Variants in SMYD3 observed in about 807,000 individuals in gnomAD.
SMYD3 encodes the protein SET and MYND domain containing 3.
A neutral mutation model predicts 57.7 loss-of-function variants in SMYD3; 36 were observed. That is an observed-to-expected ratio of 0.62 (90% CI 0.48 to 0.82). SMYD3 has a LOEUF of 0.82. Ranked by LOEUF, SMYD3 falls within the 40% of genes least tolerant of loss-of-function variation. SMYD3 has a pLI of 0.00. For synonymous variants in SMYD3, 211 were observed against 195.0 expected, an observed-to-expected ratio of 1.08 and a Z score of -0.68; for missense variants, 515 against 538.8, an observed-to-expected ratio of 0.96 and a Z score of 0.44.
At chr1:246,129,542 A>C (rs2061557481) in intron 5 of SMYD3, among the ~76,000 whole-genome samples, 1 of 151,910 alleles carries the variant, frequency 6.6e-6, no homozygotes, top group African/African-American at 2.4e-5. Flanking sequence ...ATTTCCTTTG[A>C]CTCCTGGCAT....
intron 5 of SMYD3, among the ~76,000 whole-genome samples, chr1:246,255,881 A>G (rs1349591073): frequency 2.7e-5 from 4 of 150,364 alleles, no homozygotes; most frequent in Non-Finnish European, 2.9e-5. Flanking sequence ...ATCTTAAGAG[A>G]TTGTGTGTGT....
At chr1:246,024,917 G>A (rs1208190311) in intron 5 of SMYD3, among the ~76,000 whole-genome samples, 1 of 13,838 alleles carries the variant, frequency 7.2e-5, no homozygotes, top group Non-Finnish European at 1.2e-4. Context: ...ATCTAGGAAG[G>A]AGATACAGGA....
chr1:246,185,804 A>G (rs913533553), intron 5 of SMYD3, among the ~76,000 whole-genome samples: 7 of 152,192 alleles, frequency 4.6e-5, no homozygotes, highest in African/African-American at 1.7e-4. Flanking sequence ...TATCTTGTAC[A>G]ATGGTAATTT....
intron 5 of SMYD3, among the ~76,000 whole-genome samples, chr1:246,273,509 C>T (rs1205141016): frequency 6.6e-6 from 1 of 150,502 alleles, no homozygotes; most frequent in Non-Finnish European, 1.5e-5. Flanking sequence ...TTTTCTTAGT[C>T]CATCTATCTA....
chr1:246,506,997 C>CG (rs2068553382), intron 1 of SMYD3, 57 bp downstream of exon 1: 1 of 300,490 alleles, frequency 3.3e-6, no homozygotes, highest in African/African-American at 5.4e-5. Context: ...ACGCCCCCCC[C>CG]TCCCCAGCAC....
At chr1:245,761,875 G>A (rs908957968) in intron 11 of SMYD3, among the ~76,000 whole-genome samples, 1 of 140,854 alleles carries the variant, frequency 7.1e-6, no homozygotes, top group Admixed American at 7.5e-5. Flanking sequence ...AACCTCTGCC[G>A]CCTGGGTTAA....
intron 1 of SMYD3, among the ~76,000 whole-genome samples, chr1:246,380,681 C>T (rs961906757): frequency 2.6e-5 from 4 of 152,154 alleles, no homozygotes; most frequent in East Asian, 1.9e-4. Context: ...GTTGATGCTA[C>T]GACAGAGGCA....
chr1:245,867,664 G>GCA (rs1553345537), intron 8 of SMYD3, among the ~76,000 whole-genome samples: 22 of 122,202 alleles, frequency 1.8e-4, no homozygotes, highest in African/African-American at 6.8e-4. Context: ...GTGTGCGTGC[G>GCA]CGCGCACACA....
At chr1:245,816,901 G>C (rs545508304) in intron 10 of SMYD3, among the ~76,000 whole-genome samples, 53,233 of 151,076 alleles carry the variant, frequency 0.35, 12,262 homozygotes, top group Middle Eastern at 0.53. Context: ...GGTCCTACCC[G>C]ACGGAGTCTC....
At chr1:245,806,782 C>T (rs574903428) in intron 10 of SMYD3, among the ~76,000 whole-genome samples, 42 of 151,100 alleles carry the variant, frequency 2.8e-4, no homozygotes, top group Admixed American at 1.1e-3. Context: ...CGGTGGCGGG[C>T]GCCTGTAGTC....
At chr1:246,464,932 T>C (rs957618527) in intron 1 of SMYD3, among the ~76,000 whole-genome samples, 6 of 152,238 alleles carry the variant, frequency 3.9e-5, no homozygotes, top group Admixed American at 1.3e-4. Flanking sequence ...AAACTTGAGA[T>C]TGTCATTTAA....
chr1:246,236,288 T>C (rs757730754), intron 5 of SMYD3, among the ~76,000 whole-genome samples: 1 of 152,198 alleles, frequency 6.6e-6, no homozygotes, highest in Non-Finnish European at 1.5e-5. Context: ...TGGCATGCCG[T>C]GGCGCAATAA....
chr1:245,891,581 C>T (rs773961908), intron 8 of SMYD3, among the ~76,000 whole-genome samples: 5 of 152,196 alleles, frequency 3.3e-5, no homozygotes, highest in African/African-American at 4.8e-5. Context: ...CTATGTACAC[C>T]CCCTCAGTGA....
chr1:246,049,618 T>C (rs2060033680), intron 5 of SMYD3, among the ~76,000 whole-genome samples: 1 of 152,142 alleles, frequency 6.6e-6, no homozygotes, highest in South Asian at 2.1e-4. Flanking sequence ...ACTATGTGTT[T>C]TAAACACAAA....
chr1:246,027,852 G>A (rs893386186), intron 5 of SMYD3, among the ~76,000 whole-genome samples: 5 of 152,172 alleles, frequency 3.3e-5, no homozygotes, highest in African/African-American at 4.8e-5. Flanking sequence ...TGATTCTTCT[G>A]ATGGATCTGG....
In SMYD3 at chr1:246,485,189, G is replaced by C. The variant is rs113353606; in HGVS notation, c.164+21865C>G. On this transcript the variant is annotated intron_variant, in intron 1 of 11. Transcript: ENST00000490107. ...CTATTGCACTAGTTACACCTGAAAA[G>C]ACATCACCTCAACCAAAATACCTAA... Among the ~76,000 whole-genome samples the C allele has an allele frequency of 9.7e-4, 131 of 135,642 alleles. 1 individual carries two copies. The Middle Eastern group carries it at 0.039, about 41-fold the overall frequency. 89.0% of individuals were successfully genotyped at this position (135,642 alleles called of 152,430 possible). A position where few individuals can be genotyped will look rare whatever the true frequency, so the allele number is the denominator to read the frequency against.
At chr1:246,066,121 C>A (rs1303336468) in intron 5 of SMYD3, among the ~76,000 whole-genome samples, 2 of 152,180 alleles carry the variant, frequency 1.3e-5, no homozygotes, top group Non-Finnish European at 2.9e-5. Flanking sequence ...CTCGTCACCA[C>A]ATAAATGTCT....
intron 1 of SMYD3, among the ~76,000 whole-genome samples, chr1:246,425,250 C>T (rs994143439): frequency 2.6e-5 from 4 of 152,168 alleles, no homozygotes; most frequent in Non-Finnish European, 4.4e-5. Context: ...CACCAGAAAC[C>T]GCAAAGTTAC....
chr1:246,476,476 G>A (rs2068032851), intron 1 of SMYD3, among the ~76,000 whole-genome samples: 1 of 152,158 alleles, frequency 6.6e-6, no homozygotes, highest in African/African-American at 2.4e-5. Flanking sequence ...AAATCATTTA[G>A]TTACACTGAT....
Sources: gnomAD v4.1 joint callset for allele counts (sites outside exome capture counted in the v4.1 genomes callset) on GRCh38, gnomAD v4.1.1 for gene constraint, MANE v1.5 for transcripts, NCBI Gene and HGNC (gene_info 2026-07-23, HGNC 2026-07-21) for gene names.